Variants in ZNF638 observed in about 807,000 individuals in gnomAD.
The protein encoded by ZNF638 is zinc finger protein 638, also known as CTCL tumor antigen se33-1.
ZNF638 carries 46 observed loss-of-function variants against 195.6 expected under a neutral mutation model. The observed-to-expected ratio is 0.24, with a 90% CI of 0.19 to 0.30. The LOEUF (loss-of-function observed/expected upper bound fraction) is 0.30, where lower values mean the gene tolerates loss of function less well. ZNF638 is among the 10% of genes least tolerant of loss of function. The pLI, the probability that ZNF638 is intolerant of heterozygous loss-of-function variation, is 1.00. For missense variants in ZNF638, 2,440 were observed against 2,325.3 expected (o/e 1.05, Z -1.01); for synonymous variants, 845 against 772.0 (o/e 1.09, Z -1.57).
At chr2:71,355,346 C>A (rs1464577886) in intron 2 of ZNF638, among the ~76,000 whole-genome samples, 1 of 152,022 alleles carries the variant, frequency 6.6e-6, no homozygotes, top group Non-Finnish European at 1.5e-5. Flanking sequence ...TCACAGATAC[C>A]GTTTTACTTA....
chr2:71,404,001 A>G lies in ZNF638; in HGVS notation c.2958+3A>G. On this transcript the variant is annotated splice_donor_region_variant and intron_variant, in intron 17 of 27. Coordinates refer to ENST00000264447, the MANE Select transcript of ZNF638 (RefSeq NM_014497.5). ...AAAACATGAATATAAAAGATGAGGT[A>G]AATCAGACCACCATTTTTACTAGCT... The G allele has an allele frequency of 6.2e-7, 1 of 1,601,942 alleles. No individual in the cohort carries two copies. The highest frequency in any genetic ancestry group is 8.5e-7 in the Non-Finnish European group (1 of 1,176,048).
At chr2:71,367,157 T>C (rs1264690551) in intron 6 of ZNF638, among the ~76,000 whole-genome samples, 2 of 152,048 alleles carry the variant, frequency 1.3e-5, no homozygotes, top group Admixed American at 6.6e-5. Context: ...TAGGGAAAAT[T>C]TTGAAGAGGC....
rs773149705 is a variant in ZNF638, at chr2:71,367,817, TG to T, written c.1996-564del. Among the ~76,000 whole-genome samples, 6 of 151,736 alleles carry T rather than the reference TG, an allele frequency of 4.0e-5. No individual in the cohort carries two copies. In the South Asian group the frequency reaches 8.3e-4, roughly 21 times the overall value. On this transcript the variant is annotated intron_variant, in intron 6 of 27. Coordinates refer to ENST00000264447, the MANE Select transcript of ZNF638 (RefSeq NM_014497.5). ...AACTCCTGGCCTCAAGCGATCTTTC[TG>T]CCTTGGCCTCCCAAAGCAGTGGGAT...
At chr2:71,387,206 T>G (rs1452573615) in intron 10 of ZNF638, among the ~76,000 whole-genome samples, 1 of 152,058 alleles carries the variant, frequency 6.6e-6, no homozygotes, top group Non-Finnish European at 1.5e-5. Flanking sequence ...GTTCGAAGAT[T>G]TAGAGTAGTT....
intron 20 of ZNF638, among the ~76,000 whole-genome samples, chr2:71,411,642 C>T (rs1342272681): frequency 9.4e-6 from 1 of 106,694 alleles, no homozygotes; most frequent in East Asian, 2.8e-4. Context: ...GACCCCACCA[C>T]AGTCCCCAGA....
intron 19 of ZNF638, among the ~76,000 whole-genome samples, chr2:71,406,517 G>A (rs532510432): frequency 2.0e-5 from 3 of 152,238 alleles, no homozygotes; most frequent in East Asian, 3.9e-4. Flanking sequence ...AGTGTAGACA[G>A]CATTATCTTA....
At chr2:71,343,294 G>A (rs904947149) in intron 1 of ZNF638, among the ~76,000 whole-genome samples, 2 of 152,280 alleles carry the variant, frequency 1.3e-5, no homozygotes, top group South Asian at 2.1e-4. Context: ...TAGGCTCTCA[G>A]AAGATATTTA....
chr2:71,409,258 AAC>A (rs2080164543), intron 20 of ZNF638, among the ~76,000 whole-genome samples: 2 of 152,192 alleles, frequency 1.3e-5, no homozygotes, highest in South Asian at 4.1e-4. Context: ...GCTTATTTGT[AAC>A]AGTTTTTAAT....
intron 8 of ZNF638, among the ~76,000 whole-genome samples, chr2:71,371,703 T>A (rs987271876): frequency 0.012 from 14 of 1,166 alleles, no homozygotes; most frequent in African/African-American, 0.043. Flanking sequence ...AGAGTATTAG[T>A]TTTTTTTTTT....
intron 21 of ZNF638, among the ~76,000 whole-genome samples, chr2:71,418,897 T>TAA (rs1035745578): frequency 6.6e-6 from 1 of 152,192 alleles, no homozygotes; most frequent in African/African-American, 2.4e-5. Flanking sequence ...TTGAATTAAA[T>TAA]AAACCACTTT....
chr2:71,428,391 G>GCCT lies in ZNF638; in HGVS notation c.5546-156_5546-155insCCT, dbSNP rs2080582736. On this transcript the variant is annotated intron_variant, in intron 24 of 27. Coordinates refer to ENST00000264447, the MANE Select transcript of ZNF638 (RefSeq NM_014497.5). ...AGATTAAACTGATTATTTTAAAATA[G>GCCT]AATTCTTCTATTTTATATTAGCAGT... The GCCT allele has an allele frequency of 5.9e-6, 3 of 509,498 alleles. No homozygotes were observed. In the East Asian group the frequency reaches 9.8e-5, roughly 17 times the overall value. The allele number at this position is 509,498 out of a possible 1,614,324, so 31.6% of individuals were successfully genotyped here.
intron 8 of ZNF638, among the ~76,000 whole-genome samples, chr2:71,377,132 G>A (rs1302745614): frequency 6.6e-6 from 1 of 152,046 alleles, no homozygotes; most frequent in African/African-American, 2.4e-5. Flanking sequence ...AATTGACCTA[G>A]TGTGGTGGCA....
At chr2:71,426,230 G>T (rs2080537117) in intron 23 of ZNF638, among the ~76,000 whole-genome samples, 1 of 152,054 alleles carries the variant, frequency 6.6e-6, no homozygotes, top group Non-Finnish European at 1.5e-5. Flanking sequence ...AAGTAAAAGT[G>T]GAATTAGGTT....
In ZNF638 at chr2:71,363,950, G is replaced by A. The variant is rs2079152470; in HGVS notation, c.1419-4G>A. ...CACTTTCTTTTCCGCCCCCCTGCTT[G>A]TAGAAATGAGGGCAATAGAAAAGAA... On this transcript the variant is annotated splice_region_variant and splice_polypyrimidine_tract_variant and intron_variant, in intron 4 of 27. Coordinates refer to ENST00000264447, the MANE Select transcript of ZNF638 (RefSeq NM_014497.5). The A allele has an allele frequency of 6.2e-7, 1 of 1,602,642 alleles. No individual in the cohort carries two copies.
chr2:71,428,106 C>T (rs890081091), intron 24 of ZNF638, among the ~76,000 whole-genome samples: 3 of 152,062 alleles, frequency 2.0e-5, no homozygotes, highest in Non-Finnish European at 2.9e-5. Context: ...GCTAGAGGAT[C>T]GCTTGAGCCC....
At chr2:71,351,994 G>A (rs1031071235) in intron 2 of ZNF638, among the ~76,000 whole-genome samples, 2 of 152,148 alleles carry the variant, frequency 1.3e-5, no homozygotes, top group Non-Finnish European at 2.9e-5. Context: ...ATTTGTAACA[G>A]TATGTGTTTA....
chr2:71,350,302 AATG>A (rs745509057), intron 2 of ZNF638, 31 bp downstream of exon 2: 2 of 1,574,244 alleles, frequency 1.3e-6, no homozygotes, highest in Non-Finnish European at 1.7e-6. Flanking sequence ...ATCACTGTAT[AATG>A]ATGCTCAGCG....
chr2:71,389,192 C>G (rs536170611), intron 10 of ZNF638, among the ~76,000 whole-genome samples: 2 of 152,170 alleles, frequency 1.3e-5, no homozygotes, highest in East Asian at 1.9e-4. Context: ...TCCCTGAGCC[C>G]CCTCCCCCAA....
At chr2:71,337,168 T>A (rs772615889) in intron 1 of ZNF638, among the ~76,000 whole-genome samples, 4 of 150,612 alleles carry the variant, frequency 2.7e-5, no homozygotes, top group Non-Finnish European at 5.9e-5. Flanking sequence ...TTGTATAAAG[T>A]AAGAAGATCA....
Sources: gnomAD v4.1 joint callset for allele counts (sites outside exome capture counted in the v4.1 genomes callset) on GRCh38, gnomAD v4.1.1 for gene constraint, MANE v1.5 for transcripts, NCBI Gene and HGNC (gene_info 2026-07-23, HGNC 2026-07-21) for gene names.